WDCP: variants seen among roughly 807,000 people sequenced by gnomAD.
The protein encoded by WDCP is WD repeat and coiled-coil-containing protein.
WDCP carries 19 observed loss-of-function variants against 41.6 expected under a neutral mutation model. That is an observed-to-expected ratio of 0.46 (90% confidence interval 0.32 to 0.67). The LOEUF (loss-of-function observed/expected upper bound fraction) is 0.67. WDCP is among the 30% of genes least tolerant of loss of function. WDCP has a pLI of 0.04. For missense variants in WDCP, 802 were observed against 850.7 expected (o/e 0.94, Z 0.71); for synonymous variants, 302 against 320.8 (o/e 0.94, Z 0.63).
chr2:24,032,331 G>A (rs1391141324), intron 3 of WDCP, among the ~76,000 whole-genome samples: 2 of 152,100 alleles, frequency 1.3e-5, no homozygotes, highest in African/African-American at 4.8e-5. Context: ...AGTGAAACCC[G>A]TCTCTACGAA....
intron 2 of WDCP, among the ~76,000 whole-genome samples, chr2:24,035,999 T>C (rs1314629283): frequency 6.8e-6 from 1 of 147,792 alleles, no homozygotes; most frequent in African/African-American, 2.5e-5. Context: ...AACCTGGGAG[T>C]TGGAGGTTGC....
At position 24,037,695 on chromosome 2, in the gene WDCP, A is replaced by G. The variant is rs1178282931; in HGVS notation, c.1800T>C (p.Tyr600=). Residue 600 remains tyrosine, a synonymous_variant, in exon 2 of 4, where the codon TAT becomes TAC. Coordinates refer to ENST00000295148, the MANE Select transcript of WDCP (RefSeq NM_025203.3). ...SVYPLSQDLP[Y]VHIIYQKPYY... ...AATTTACCTGGTAAATGATGTGAAC[A>G]TAAGGAAGATCTTGAGAGAGTGGAT... 4.3e-6 allele frequency: 7 copies of G among 1,612,332 alleles called. No homozygotes were observed. The South Asian group carries it at 5.5e-5, about 13-fold the overall frequency.
intron 3 of WDCP, among the ~76,000 whole-genome samples, chr2:24,031,598 G>A (rs148594769): frequency 0.013 from 1,970 of 152,104 alleles, 83 homozygotes; most frequent in East Asian, 0.081. Context: ...AGGCCGAGGC[G>A]GGCAGATCTC....
chr2:24,046,109 G>C (rs1663617059), intron 1 of WDCP, among the ~76,000 whole-genome samples: 1 of 149,004 alleles, frequency 6.7e-6, no homozygotes, highest in Non-Finnish European at 1.5e-5. Context: ...GTGAGACCCT[G>C]TTGGGGAGGT....
intron 1 of WDCP, among the ~76,000 whole-genome samples, chr2:24,045,576 G>A (rs1287852940): frequency 1.4e-5 from 2 of 142,848 alleles, no homozygotes; most frequent in African/African-American, 5.3e-5. Flanking sequence ...ACTCCAGCCT[G>A]GGTGACAGAG....
intron 2 of WDCP, 124 bp from the exon 3 acceptor site, chr2:24,033,070 C>T: frequency 1.4e-6 from 1 of 720,184 alleles, no homozygotes; most frequent in South Asian, 1.5e-5. Context: ...ATCAACTGGA[C>T]TTCAGTTTTA....
At position 24,038,438 on chromosome 2, in the gene WDCP, C is replaced by T. The variant is rs772341651; in HGVS notation, c.1057G>A (p.Val353Ile). The T allele has an allele frequency of 2.2e-5, 35 of 1,613,996 alleles. No homozygotes were observed. The highest frequency in any genetic ancestry group is 4.5e-5 in the East Asian group (2 of 44,896). ...CAAGTGTTGGAAGCCACTGCCACTACGTGGGCTTTAAGATTAAATGCTATC... is the reference window on the plus strand; with the variant it reads ...CAAGTGTTGGAAGCCACTGCCACTATGTGGGCTTTAAGATTAAATGCTATC... The part of the protein sequence containing the change: ...DLIAFNLKAH[V>I]VAVASNTCNI... The change falls in exon 2 of 4, where the codon GTA becomes ATA. Residue 353 changes from valine (V) to isoleucine (I), a missense_variant. Physicochemically the swap from Val to Ile is conservative, Grantham distance 29. Around this residue, in one of 5 missense-constraint regions of WDCP, gnomAD observed 247 missense variants for 240.5 expected, o/e 1.03. Coordinates refer to ENST00000295148, the MANE Select transcript of WDCP (RefSeq NM_025203.3).
chr2:24,030,900 C>G lies in WDCP; in HGVS notation c.*33G>C. On this transcript the variant is annotated 3_prime_UTR_variant, in exon 4 of 4. Coordinates refer to ENST00000295148, the MANE Select transcript of WDCP (RefSeq NM_025203.3). The stretch of plus-strand genomic sequence containing the variant: ...CAGGCCTTGTTTGTAATGGTCTCAT[C>G]TGAAGAGCTACACAGCAAGGACACT... 1 of 1,530,990 alleles carries G rather than the reference C, an allele frequency of 6.5e-7. No homozygotes were observed. The highest frequency in any genetic ancestry group is 9.0e-7 in the Non-Finnish European group (1 of 1,106,972). The allele number at this position is 1,530,990 out of a possible 1,614,324, so 94.8% of individuals were successfully genotyped here. A position where few individuals can be genotyped will look rare whatever the true frequency, so the allele number is the denominator to read the frequency against.
Position 24,037,890 on chromosome 2 carries a change from GCTGGTGTGGT to G in WDCP, c.1595_1604del (p.Asp532AlafsTer77). The G allele has an allele frequency of 6.2e-7, 1 of 1,614,070 alleles. No homozygotes were observed. Among genetic ancestry groups the G allele is most frequent in the Non-Finnish European group, 8.5e-7 (1 of 1,180,030 alleles). ...GAGGCAAACGAGGAGGCTCCAGTGTGCTGGTGTGGTCTGGTGTGCTGCTGTGTCTGGGCAG... is the reference window on the plus strand; with the variant it reads ...GAGGCAAACGAGGAGGCTCCAGTGTGCTGGTGTGCTGCTGTGTCTGGGCAG... On this transcript the variant is annotated frameshift_variant, in exon 2 of 4. Transcript: ENST00000295148. LOFTEE classifies it high-confidence loss of function.
rs377430969 is a variant in WDCP, at chr2:24,038,642, G to A, written c.853C>T (p.Leu285=). The change falls in exon 2 of 4, where the codon CTA becomes TTA. Residue 285 remains leucine, a synonymous_variant. Transcript: ENST00000295148. ...VSSSYLEPLD[L]THIHFNQHKS... is the part of the protein sequence containing the mutation. Reference sequence around the variant, plus strand: ...TGTTGATTGAAATGTATGTGAGTTAGATCCAGAGGTTCTAAATAGGAAGAA... The same window carrying A: ...TGTTGATTGAAATGTATGTGAGTTAAATCCAGAGGTTCTAAATAGGAAGAA... 3.1e-6 allele frequency: 5 copies of A among 1,614,090 alleles called. No individual in the cohort carries two copies. Among genetic ancestry groups the A allele is most frequent in the Non-Finnish European group, 4.2e-6 (5 of 1,180,038 alleles).
chr2:24,037,709 G>A lies in WDCP; in HGVS notation c.1786C>T (p.Gln596Ter). Residue 596 changes from glutamine to a stop codon, truncating the protein, a stop_gained, in exon 2 of 4, where the codon CAA becomes TAA. Transcript: ENST00000295148. LOFTEE classifies it high-confidence loss of function. ...KKSSSVYPLS[Q>*]DLPYVHIIYQ... is the part of the protein sequence containing the mutation. ...ATGATGTGAACATAAGGAAGATCTT[G>A]AGAGAGTGGATACACTGAAGAGGAT... 6.2e-7 allele frequency: 1 copy of A among 1,613,572 alleles called. No individual in the cohort carries two copies. Among genetic ancestry groups the A allele is most frequent in the Non-Finnish European group, 8.5e-7 (1 of 1,179,860 alleles).
chr2:24,034,159 G>A (rs1312200959), intron 2 of WDCP, among the ~76,000 whole-genome samples: 4 of 152,080 alleles, frequency 2.6e-5, no homozygotes, highest in Non-Finnish European at 5.9e-5. Context: ...GGTGGCTCAC[G>A]CCTGTAATCC....
intron 1 of WDCP, among the ~76,000 whole-genome samples, chr2:24,043,033 CAAA>C (rs138929912): frequency 2.2e-5 from 3 of 135,084 alleles, no homozygotes; most frequent in Non-Finnish European, 1.6e-5. Flanking sequence ...AACTCCGTCT[CAAA>C]AAAAAAAAAA....
At chr2:24,044,722 T>C (rs1372143547) in intron 1 of WDCP, among the ~76,000 whole-genome samples, 3 of 151,892 alleles carry the variant, frequency 2.0e-5, no homozygotes, top group Non-Finnish European at 2.9e-5. Context: ...ACTTCTCCCT[T>C]TTTATTAGGG....
intron 1 of WDCP, among the ~76,000 whole-genome samples, chr2:24,046,587 G>A (rs1008261468): frequency 6.6e-6 from 1 of 152,060 alleles, no homozygotes; most frequent in African/African-American, 2.4e-5. Flanking sequence ...GAGAATCAAG[G>A]GATTCAGGTG....
rs748703105 is a variant in WDCP, at chr2:24,037,950, A to C, written c.1545T>G (p.Ala515=). 5 of 1,614,048 alleles carry C rather than the reference A, an allele frequency of 3.1e-6. No individual in the cohort carries two copies. In the African/African-American group the frequency reaches 6.7e-5, roughly 22 times the overall value. Residue 515 remains alanine (A), a synonymous_variant, in exon 2 of 4, where the codon GCT becomes GCG. Transcript: ENST00000295148. Reference sequence around the variant, plus strand: ...GCGATGCTGGCTGGGTAACAGGCTCAGCATCTAGAGCTATGGAGCCATCAC... The same window carrying C: ...GCGATGCTGGCTGGGTAACAGGCTCCGCATCTAGAGCTATGGAGCCATCAC... ...SICDGSIALD[A]EPVTQPASLP...
chr2:24,043,305 T>C (rs1293959107), intron 1 of WDCP, among the ~76,000 whole-genome samples: 1 of 152,116 alleles, frequency 6.6e-6, no homozygotes, highest in Non-Finnish European at 1.5e-5. Flanking sequence ...CACTGCACTG[T>C]AGCCTGGACA....
chr2:24,034,519 G>T (rs1345290490), intron 2 of WDCP, among the ~76,000 whole-genome samples: 4 of 151,832 alleles, frequency 2.6e-5, no homozygotes, highest in African/African-American at 9.7e-5. Context: ...ACAACAGCTT[G>T]GTTGGATGAC....
chr2:24,035,646 G>A (rs947328921), intron 2 of WDCP, among the ~76,000 whole-genome samples: 9 of 152,082 alleles, frequency 5.9e-5, no homozygotes, highest in Non-Finnish European at 1.3e-4. Flanking sequence ...TGGGTGCAGT[G>A]GCTCACACCT....
Sources: allele counts gnomAD v4.1 joint callset (sites outside exome capture counted in the v4.1 genomes callset), GRCh38; gene constraint gnomAD v4.1.1; regional missense constraint gnomAD v4.1.1; transcripts MANE v1.5; gene names NCBI Gene and HGNC (gene_info 2026-07-23, HGNC 2026-07-21).